SLIT2: variants seen among roughly 807,000 people sequenced by gnomAD.
SLIT2 encodes the protein slit homolog 2 protein.
SLIT2 carries 41 observed loss-of-function variants against 185.7 expected under a neutral mutation model. That is an observed-to-expected ratio of 0.22 (90% CI 0.17 to 0.29). The LOEUF is 0.29. Ranked by LOEUF, SLIT2 falls within the 10% of genes least tolerant of loss-of-function variation. The pLI is 1.00. For missense variants in SLIT2, 1,571 were observed against 1,909.0 expected (o/e 0.82, Z 3.30); for synonymous variants, 693 against 680.2 (o/e 1.02, Z -0.29).
chr4:20,271,594 C>T lies in SLIT2; in HGVS notation c.395+2713C>T, dbSNP rs1187726123. ...AAAAAACAAATTTAGGATTTACTTC[C>T]TCTGTATAGGTTGTTCCGAGATACG... On this transcript the variant is annotated intron_variant, in intron 4 of 36. Coordinates refer to ENST00000504154, the MANE Select transcript of SLIT2 (RefSeq NM_004787.4). Among the ~76,000 whole-genome samples, 3 of 149,826 alleles carry T rather than the reference C, an allele frequency of 2.0e-5. No individual in the cohort carries two copies. In the South Asian group the frequency reaches 6.3e-4, roughly 31 times the overall value.
chr4:20,525,548 A>G (rs768564470), intron 15 of SLIT2, among the ~76,000 whole-genome samples: 4 of 152,184 alleles, frequency 2.6e-5, no homozygotes, highest in Non-Finnish European at 4.4e-5. Flanking sequence ...TTTTAAAGAC[A>G]GAGATCTTTC....
intron 26 of SLIT2, among the ~76,000 whole-genome samples, chr4:20,563,120 G>A (rs1442686067): frequency 6.6e-6 from 1 of 151,720 alleles, no homozygotes; most frequent in Non-Finnish European, 1.5e-5. Context: ...GACAGAGACA[G>A]ATTGTTAACC....
At chr4:20,398,098 A>G (rs1362021941) in intron 4 of SLIT2, among the ~76,000 whole-genome samples, 3 of 151,850 alleles carry the variant, frequency 2.0e-5, no homozygotes, top group Non-Finnish European at 2.9e-5. Flanking sequence ...CTCTCAGGAA[A>G]GAAAGCTCTT....
intron 3 of SLIT2, among the ~76,000 whole-genome samples, chr4:20,263,343 A>G (rs1712693543): frequency 6.6e-6 from 1 of 151,792 alleles, no homozygotes; most frequent in South Asian, 2.1e-4. Flanking sequence ...GCTTTACGAT[A>G]ATATTTACAG....
At chr4:20,467,608 C>T (rs1714499676) in intron 4 of SLIT2, 144 bp from the exon 5 acceptor site, 1 of 423,796 alleles carries the variant, frequency 2.4e-6, no homozygotes, top group African/African-American at 2.1e-5. Context: ...TTAGAAACTG[C>T]ATATAATGCT....
chr4:20,350,099 G>C (rs775769211), intron 4 of SLIT2, among the ~76,000 whole-genome samples: 4 of 152,104 alleles, frequency 2.6e-5, no homozygotes, highest in Non-Finnish European at 4.4e-5. Context: ...TTACTAAGAG[G>C]TAGGCATCAT....
intron 12 of SLIT2, 55 bp from the exon 13 acceptor site, chr4:20,523,705 G>T (rs969310876): frequency 8.7e-6 from 13 of 1,487,168 alleles, no homozygotes; most frequent in African/African-American, 1.4e-5. Context: ...ACAAAATCTT[G>T]CAGGTGAGTT....
chr4:20,596,633 C>T lies in SLIT2; in HGVS notation c.3539C>T (p.Pro1180Leu). 6.2e-7 allele frequency: 1 copy of T among 1,613,298 alleles called. No individual in the cohort carries two copies. Among genetic ancestry groups the T allele is most frequent in the Non-Finnish European group, 8.5e-7 (1 of 1,179,820 alleles). Residue 1180 changes from proline (P) to leucine (L), a missense_variant, in exon 32 of 37, where the codon CCT (proline) becomes CTT (leucine). Pro to Leu is a moderately conservative substitution (Grantham distance 98). Around this residue, in one of 3 missense-constraint regions of SLIT2, gnomAD observed 146 missense variants for 247.4 expected, o/e 0.59. Transcript: ENST00000504154. The part of the protein sequence containing the change: ...YLQIPSAKVR[P>L]QTNITLQIAT... The stretch of plus-strand genomic sequence containing the variant: ...CAGATTCCTTCAGCCAAGGTTCGGC[C>T]TCAGACGAACATAACACTTCAGGTA...
At chr4:20,532,315 G>T (rs538345169) in intron 17 of SLIT2, among the ~76,000 whole-genome samples, 8 of 152,218 alleles carry the variant, frequency 5.3e-5, no homozygotes, top group Admixed American at 3.9e-4. Context: ...GCCACAGCAG[G>T]AATCCAGCAA....
intron 4 of SLIT2, among the ~76,000 whole-genome samples, chr4:20,377,091 A>G (rs942147534): frequency 2.6e-5 from 4 of 152,310 alleles, no homozygotes; most frequent in Non-Finnish European, 5.9e-5. Flanking sequence ...TAATTTCTCA[A>G]GAAATATGTG....
At chr4:20,501,899 A>G (rs7686150) in intron 9 of SLIT2, among the ~76,000 whole-genome samples, 12,028 of 152,246 alleles carry the variant, frequency 0.079, 540 homozygotes, top group East Asian at 0.11. Flanking sequence ...AAGGCTTCAT[A>G]TATCCACTAT....
chr4:20,384,206 AAT>A (rs1312558447), intron 4 of SLIT2, among the ~76,000 whole-genome samples: 2 of 152,180 alleles, frequency 1.3e-5, no homozygotes, highest in African/African-American at 4.8e-5. Flanking sequence ...ACTGCTCAGC[AAT>A]TAATAAAAAA....
intron 5 of SLIT2, among the ~76,000 whole-genome samples, chr4:20,470,231 G>A (rs1050380916): frequency 3.9e-5 from 6 of 151,986 alleles, no homozygotes; most frequent in Non-Finnish European, 7.4e-5. Flanking sequence ...CATCATAAGG[G>A]GAGACAGGAA....
chr4:20,529,734 GT>G (rs976368978), intron 16 of SLIT2, among the ~76,000 whole-genome samples: 2 of 152,138 alleles, frequency 1.3e-5, no homozygotes, highest in Non-Finnish European at 2.9e-5. Context: ...CCCATGCATG[GT>G]TTGCCTTTAC....
At chr4:20,447,698 GT>G (rs1433907882) in intron 4 of SLIT2, among the ~76,000 whole-genome samples, 1 of 152,122 alleles carries the variant, frequency 6.6e-6, no homozygotes, top group Non-Finnish European at 1.5e-5. Flanking sequence ...TATTGTCTGC[GT>G]TTGTCAAGGC....
intron 4 of SLIT2, among the ~76,000 whole-genome samples, chr4:20,392,922 TA>T (rs1280349651): frequency 1.3e-5 from 2 of 152,038 alleles, no homozygotes; most frequent in African/African-American, 4.8e-5. Context: ...CTTTTTTTAT[TA>T]GTAGGAGTAC....
At chr4:20,340,956 G>GA (rs958715100) in intron 4 of SLIT2, among the ~76,000 whole-genome samples, 1 of 152,152 alleles carries the variant, frequency 6.6e-6, no homozygotes, top group Non-Finnish European at 1.5e-5. Flanking sequence ...AAAAAAGAAA[G>GA]ACGGAATGAG....
chr4:20,567,255 T>C lies in SLIT2; in HGVS notation c.2726-7T>C, dbSNP rs1310618945. On this transcript the variant is annotated splice_region_variant and splice_polypyrimidine_tract_variant and intron_variant, in intron 26 of 36. Coordinates refer to ENST00000504154, the MANE Select transcript of SLIT2 (RefSeq NM_004787.4). ...TCAGTTGCTTATATTTTTGAATTAA[T>C]TTTCAGGTCCTGTGGATGTCAATAT... is the stretch of plus-strand genomic sequence containing the variant. The C allele has an allele frequency of 6.3e-7, 1 of 1,595,550 alleles. No individual in the cohort carries two copies. Among genetic ancestry groups the C allele is most frequent in the Non-Finnish European group, 8.5e-7 (1 of 1,174,188 alleles).
intron 3 of SLIT2, among the ~76,000 whole-genome samples, chr4:20,259,231 T>TA (rs1011695687): frequency 1.4e-4 from 22 of 151,736 alleles, no homozygotes; most frequent in African/African-American, 5.3e-4. Context: ...TCTAAATATA[T>TA]AAAAAATACT....
Sources: gnomAD v4.1 joint callset for allele counts (sites outside exome capture counted in the v4.1 genomes callset) on GRCh38, gnomAD v4.1.1 for gene constraint, gnomAD v4.1.1 regional missense constraint, MANE v1.5 for transcripts, NCBI Gene and HGNC (gene_info 2026-07-23, HGNC 2026-07-21) for gene names.